SNTG1: variants seen among roughly 807,000 people sequenced by gnomAD.
The protein encoded by SNTG1 is gamma-1-syntrophin.
SNTG1 carries 39 observed loss-of-function variants against 74.7 expected under a neutral mutation model. The ratio of observed to expected loss-of-function variants is 0.52; its 90% confidence interval spans 0.40 to 0.68. The LOEUF (loss-of-function observed/expected upper bound fraction) is 0.68. Among genes scored for constraint, SNTG1 ranks in the 30% least tolerant of loss-of-function variants. SNTG1 has a pLI of 0.00. For missense variants in SNTG1, 685 were observed against 609.5 expected (o/e 1.12, Z -1.30); for synonymous variants, 254 against 217.1 (o/e 1.17, Z -1.49).
At chr8:50,207,324 TTTC>T (rs1365620668) in intron 2 of SNTG1, among the ~76,000 whole-genome samples, 1 of 152,214 alleles carries the variant, frequency 6.6e-6, no homozygotes, top group Non-Finnish European at 1.5e-5. Flanking sequence ...AATTTATCCA[TTTC>T]TTCTAGATTT....
At chr8:49,910,284 C>A (rs767174727), upstream of SNTG1, among the ~76,000 whole-genome samples, 6 of 151,992 alleles carry the variant, frequency 3.9e-5, no homozygotes, top group Non-Finnish European at 7.4e-5. Flanking sequence ...TTGCGCCCCG[C>A]CCCTCCCGGA....
chr8:50,094,634 A>G (rs896797621), intron 1 of SNTG1, among the ~76,000 whole-genome samples: 7 of 152,210 alleles, frequency 4.6e-5, no homozygotes, highest in African/African-American at 1.2e-4. Flanking sequence ...CAACAGTGAG[A>G]TGCCTTCACA....
At chr8:50,282,533 C>T (rs994322252) in intron 2 of SNTG1, among the ~76,000 whole-genome samples, 3 of 152,062 alleles carry the variant, frequency 2.0e-5, no homozygotes, top group Non-Finnish European at 4.4e-5. Context: ...TGTTTTTCCC[C>T]CAAGGGTCTC....
At chr8:50,301,847 C>T (rs7008382) in intron 2 of SNTG1, among the ~76,000 whole-genome samples, 135,092 of 151,772 alleles carry the variant, frequency 0.89, 62,215 homozygotes, top group East Asian at 1. Context: ...TTTTTGTTTT[C>T]TGTTTTTGTT....
intron 1 of SNTG1, among the ~76,000 whole-genome samples, chr8:50,037,013 GCTT>G (rs1456510404): frequency 6.6e-6 from 1 of 152,136 alleles, no homozygotes; most frequent in Non-Finnish European, 1.5e-5. Flanking sequence ...CATATTTAAT[GCTT>G]CTTCATTTAC....
intron 12 of SNTG1, among the ~76,000 whole-genome samples, chr8:50,588,117 C>T (rs1315222688): frequency 6.8e-6 from 1 of 146,366 alleles, no homozygotes; most frequent in African/African-American, 2.5e-5. Flanking sequence ...GAGACTCCGA[C>T]TCAAAAAAAA....
chr8:50,778,324 G>A (rs1463219201), intron 18 of SNTG1, among the ~76,000 whole-genome samples: 1 of 152,202 alleles, frequency 6.6e-6, no homozygotes, highest in Non-Finnish European at 1.5e-5. Flanking sequence ...CACTGACAGT[G>A]TAAAAGTGTT....
At chr8:49,965,158 AT>A (rs933647582) in intron 1 of SNTG1, among the ~76,000 whole-genome samples, 3 of 152,092 alleles carry the variant, frequency 2.0e-5, no homozygotes, top group African/African-American at 7.2e-5. Context: ...TATCACTGAT[AT>A]TTGCCATTAA....
intron 1 of SNTG1, among the ~76,000 whole-genome samples, chr8:50,047,022 T>C (rs1819147867): frequency 6.6e-6 from 1 of 152,160 alleles, no homozygotes; most frequent in South Asian, 2.1e-4. Flanking sequence ...TTACTCTCCT[T>C]TTCATTTTTA....
At chr8:50,175,943 C>T (rs1045122369) in intron 2 of SNTG1, among the ~76,000 whole-genome samples, 5 of 152,048 alleles carry the variant, frequency 3.3e-5, no homozygotes, top group Middle Eastern at 3.4e-3. Context: ...TGAAAATAGC[C>T]CTAGGAGCAT....
In SNTG1 at chr8:50,268,211, A is replaced by C. The variant is rs75629247; in HGVS notation, c.-28+95576A>C. Among the ~76,000 whole-genome samples, 774 of 152,294 alleles carry C rather than the reference A, an allele frequency of 5.1e-3. 9 individuals carry two copies. The highest frequency in any genetic ancestry group is 0.018 in the African/African-American group (736 of 41,580). ...AAAAATTTAACAAAACATGTATAAG[A>C]TCTGTATGCTAGAAGTCACAAAATG... On this transcript the variant is annotated intron_variant, in intron 2 of 18. Coordinates refer to ENST00000642720, the MANE Select transcript of SNTG1 (RefSeq NM_018967.5).
chr8:50,057,419 TTG>T (rs1467322897), intron 1 of SNTG1, among the ~76,000 whole-genome samples: 2 of 152,122 alleles, frequency 1.3e-5, no homozygotes, highest in African/African-American at 4.8e-5. Flanking sequence ...TTACACTTTT[TTG>T]TTTTTGTTTT....
intron 17 of SNTG1, among the ~76,000 whole-genome samples, chr8:50,717,845 G>T (rs2095478578): frequency 2.0e-5 from 3 of 152,198 alleles, no homozygotes; most frequent in Admixed American, 2.0e-4. Flanking sequence ...CTCACACACT[G>T]TGGGATAGTC....
intron 2 of SNTG1, among the ~76,000 whole-genome samples, chr8:50,209,239 G>A (rs1334192874): frequency 6.6e-6 from 1 of 152,124 alleles, no homozygotes; most frequent in African/African-American, 2.4e-5. Flanking sequence ...CGAACTGGAT[G>A]GAGCCCACTG....
At chr8:50,551,441 T>C (rs955835198) in intron 11 of SNTG1, among the ~76,000 whole-genome samples, 3 of 152,168 alleles carry the variant, frequency 2.0e-5, no homozygotes, top group African/African-American at 7.2e-5. Context: ...AAAATCTAGC[T>C]GCTATTTAAA....
chr8:50,716,869 A>T (rs895392151), intron 17 of SNTG1, among the ~76,000 whole-genome samples: 4 of 151,854 alleles, frequency 2.6e-5, no homozygotes, highest in African/African-American at 7.2e-5. Flanking sequence ...AGTAACTGGG[A>T]CTACAGGGGC....
intron 8 of SNTG1, among the ~76,000 whole-genome samples, chr8:50,470,607 T>C (rs2093644893): frequency 6.6e-6 from 1 of 152,116 alleles, no homozygotes; most frequent in Non-Finnish European, 1.5e-5. Flanking sequence ...GGAGTGAAGG[T>C]GCAGAGCTTC....
chr8:50,306,650 GA>G (rs2089910155), intron 2 of SNTG1, among the ~76,000 whole-genome samples: 1 of 151,636 alleles, frequency 6.6e-6, no homozygotes, highest in Non-Finnish European at 1.5e-5. Context: ...GATGATTAGT[GA>G]TGTTGGCCAT....
intron 13 of SNTG1, among the ~76,000 whole-genome samples, chr8:50,624,659 A>C (rs2094945244): frequency 6.6e-6 from 1 of 152,180 alleles, no homozygotes; most frequent in Non-Finnish European, 1.5e-5. Context: ...TGAAAAAGTC[A>C]TACACGTTTT....
Sources: allele counts gnomAD v4.1 joint callset (sites outside exome capture counted in the v4.1 genomes callset), GRCh38; gene constraint gnomAD v4.1.1; transcripts MANE v1.5; gene names NCBI Gene and HGNC (gene_info 2026-07-23, HGNC 2026-07-21).